C16orf95: variants seen among roughly 807,000 people sequenced by gnomAD.
The protein encoded by C16orf95 is chromosome 16 open reading frame 95, also known as uncharacterized protein C16orf95.
C16orf95 carries 41 observed loss-of-function variants against 32.1 expected under a neutral mutation model. That is an observed-to-expected ratio of 1.28 (90% CI 1.00 to 1.66). The LOEUF is 1.66. C16orf95 is among the 40% of genes most tolerant of loss of function. The pLI, the probability that C16orf95 is intolerant of heterozygous loss-of-function variation, is 0.00. For synonymous variants in C16orf95, 147 were observed against 128.9 expected (o/e 1.14, Z -0.95); for missense variants, 399 against 325.9 (o/e 1.22, Z -1.73).
intron 6 of C16orf95, among the ~76,000 whole-genome samples, chr16:87,303,896 T>G (rs1248654547): frequency 2.0e-5 from 3 of 152,152 alleles, no homozygotes; most frequent in African/African-American, 7.2e-5. Context: ...TCTTTCTCTT[T>G]TTCTTCCCCT....
intron 6 of C16orf95, chr16:87,303,799 A>C (rs1910874671): frequency 6.6e-6 from 1 of 152,434 alleles, no homozygotes; most frequent in African/African-American, 2.4e-5. Context: ...CTCCACCTGG[A>C]CTGCACTTCT....
At chr16:87,304,793 G>C (rs1157283421) in intron 6 of C16orf95, among the ~76,000 whole-genome samples, 1 of 152,270 alleles carries the variant, frequency 6.6e-6, no homozygotes, top group African/African-American at 2.4e-5. Flanking sequence ...CCGTGGCAGA[G>C]TGACCAAGAC....
chr16:87,305,613 AG>A lies in C16orf95; in HGVS notation c.701+105del. On this transcript the variant is annotated intron_variant, in intron 6 of 6. Transcript: ENST00000567970. The surrounding 1 kb of genome is among the most constrained non-coding windows in gnomAD (Gnocchi z 4.2). ...CGGGCCTTGGACGCCTGTCAAGTTA[AG>A]CCCCACCCCCCACTCTTCCACATCC... is the stretch of plus-strand genomic sequence containing the variant. 9.7e-7 allele frequency: 1 copy of A among 1,027,924 alleles called. No individual in the cohort carries two copies. Among genetic ancestry groups the A allele is most frequent in the South Asian group, 1.7e-5 (1 of 59,606 alleles). 63.7% of individuals were successfully genotyped at this position (1,027,924 alleles called of 1,614,324 possible).
intron 5 of C16orf95, among the ~76,000 whole-genome samples, chr16:87,307,446 T>C (rs868845133): frequency 5.5e-5 from 8 of 144,798 alleles, no homozygotes; most frequent in African/African-American, 2.0e-4. Context: ...TGCAAAAAGT[T>C]TGTAGAAAAT....
intron 6 of C16orf95, 140 bp from the exon 7 acceptor site, chr16:87,303,215 G>A: frequency 1.2e-6 from 1 of 821,942 alleles, no homozygotes; most frequent in Non-Finnish European, 2.0e-6. Flanking sequence ...ATCCCAGGCA[G>A]GGAAGGGGTG....
chr16:87,315,447 C>G (rs575754770), intron 2 of C16orf95, among the ~76,000 whole-genome samples: 8 of 152,358 alleles, frequency 5.3e-5, no homozygotes, highest in African/African-American at 1.9e-4. Context: ...ATCTGTCACA[C>G]TCTGGTGTGC....
At chr16:87,315,513 G>C (rs1371937735) in intron 2 of C16orf95, among the ~76,000 whole-genome samples, 1 of 152,244 alleles carries the variant, frequency 6.6e-6, no homozygotes, top group Non-Finnish European at 1.5e-5. Flanking sequence ...GCAGGAAGGA[G>C]AGGTGCTGCC....
intron 3 of C16orf95, among the ~76,000 whole-genome samples, chr16:87,312,970 T>G (rs1034551802): frequency 6.6e-6 from 1 of 152,204 alleles, no homozygotes; most frequent in East Asian, 1.9e-4. Flanking sequence ...ACAAAAGATG[T>G]GTAAAGCCTA....
In C16orf95 at chr16:87,306,324, T is replaced by C. The variant is rs115292558; in HGVS notation, c.515-419A>G. On this transcript the variant is annotated intron_variant, in intron 5 of 6. Transcript: ENST00000567970. The stretch of plus-strand genomic sequence containing the variant: ...TTCGGGGTATATTTGAAATTTTCCA[T>C]AACAAAAGTTTAAGGAAAGCCACAA... Among the ~76,000 whole-genome samples the C allele has an allele frequency of 6.0e-3, 908 of 152,256 alleles. 6 individuals carry two copies. The highest frequency in any genetic ancestry group is 0.021 in the African/African-American group (855 of 41,546).
intron 4 of C16orf95, among the ~76,000 whole-genome samples, chr16:87,310,646 T>C (rs901080664): frequency 6.6e-6 from 1 of 152,124 alleles, no homozygotes; most frequent in South Asian, 2.1e-4. Context: ...ACTAGCGCTG[T>C]GGAGGCGGCC....
chr16:87,309,824 T>C (rs531079140), intron 5 of C16orf95, among the ~76,000 whole-genome samples: 1 of 152,364 alleles, frequency 6.6e-6, no homozygotes, highest in South Asian at 2.1e-4. Context: ...TATATGAATG[T>C]ATGAGCATAC....
rs536998338 is a variant in C16orf95 at position 87,317,133 on chromosome 16, C to A, written c.110G>T (p.Gly37Val). Residue 37 changes from glycine (G) to valine (V), a missense_variant, in exon 1 of 7, where the codon GGG (glycine) becomes GTG (valine). Gly to Val is a moderately radical substitution (Grantham distance 109). Transcript: ENST00000567970. Reference sequence around the variant, plus strand: ...GGGTGTGAGTGCCAACCTGCAGAGCCCGACGCACCCCGCGCCCGGCCCCCC... The same window carrying A: ...GGGTGTGAGTGCCAACCTGCAGAGCACGACGCACCCCGCGCCCGGCCCCCC... ...AAGGPGAGCVGLCRLALTPSA... is the reference protein window; with the variant it reads ...AAGGPGAGCVVLCRLALTPSA... 6.5e-6 allele frequency: 10 copies of A among 1,534,106 alleles called. No individual in the cohort carries two copies. In the South Asian group the frequency reaches 1.2e-4, roughly 18 times the overall value.
intron 1 of C16orf95, among the ~76,000 whole-genome samples, chr16:87,316,502 A>T (rs996742571): frequency 1.3e-5 from 2 of 152,190 alleles, no homozygotes; most frequent in African/African-American, 4.8e-5. Context: ...CATAATAACC[A>T]TTATTATTAT....
intron 5 of C16orf95, chr16:87,306,174 C>T: frequency 3.2e-6 from 1 of 315,406 alleles, no homozygotes; most frequent in Non-Finnish European, 5.8e-6. Context: ...CAATGTCTAG[C>T]TGGGACTTGT....
chr16:87,305,486 G>GCCCCACGAGGCCCCCACCAC lies in C16orf95; in HGVS notation c.701+232_701+233insGTGGTGGGGGCCTCGTGGGG, dbSNP rs1555544930. 6.7e-5 allele frequency among the ~76,000 whole-genome samples: 9 copies of GCCCCACGAGGCCCCCACCAC among 135,298 alleles called. No individual in the cohort carries two copies. The highest frequency in any genetic ancestry group is 6.4e-4 in the Admixed American group (9 of 14,034). 88.8% of individuals were successfully genotyped at this position (135,298 alleles called of 152,430 possible). A position where few individuals can be genotyped will look rare whatever the true frequency, so the allele number is the denominator to read the frequency against. On this transcript the variant is annotated intron_variant, in intron 6 of 6. Transcript: ENST00000567970. The surrounding 1 kb of genome is among the most constrained non-coding windows in gnomAD (Gnocchi z 4.2). ...TTGGGAAGAGGGAAGGGGTGGAAGT[G>GCCCCACGAGGCCCCCACCAC]CCCCACGAGGCCCCCGCCGCCCCCA...
At chr16:87,315,209 G>A (rs1904309938) in intron 2 of C16orf95, 113 bp from the exon 3 acceptor site, 1 of 1,140,802 alleles carries the variant, frequency 8.8e-7, no homozygotes, top group African/African-American at 1.5e-5. Context: ...CGGGGGCAGG[G>A]TCCCCAGCTC....
rs947868359 is a variant in C16orf95 at position 87,311,521 on chromosome 16, C to T, written c.331-225G>A. Among the ~76,000 whole-genome samples the T allele has an allele frequency of 3.3e-5, 5 of 152,344 alleles. No individual in the cohort carries two copies. The South Asian group carries it at 1.0e-3, about 32-fold the overall frequency. Reference sequence around the variant, plus strand: ...CCACTGTTGGGAGACACGGGACCTCCGTGGCTCACCTGGCCTCCCTACCCA... The same window carrying T: ...CCACTGTTGGGAGACACGGGACCTCTGTGGCTCACCTGGCCTCCCTACCCA... On this transcript the variant is annotated intron_variant, in intron 3 of 6. Coordinates refer to ENST00000567970, the MANE Select transcript of C16orf95 (RefSeq NM_001195124.3).
chr16:87,309,685 A>G (rs1043997786), intron 5 of C16orf95, among the ~76,000 whole-genome samples: 1 of 152,136 alleles, frequency 6.6e-6, no homozygotes, highest in Non-Finnish European at 1.5e-5. Context: ...CACCCAGCAT[A>G]TTATATGCAT....
chr16:87,302,907 T>C lies in C16orf95; in HGVS notation c.*150A>G, dbSNP rs978424347. Reference sequence around the variant, plus strand: ...TTTGCTACAACCAAGAATCACCTGATGAGAAATCATTTGGGTTGAATCCTG... The same window carrying C: ...TTTGCTACAACCAAGAATCACCTGACGAGAAATCATTTGGGTTGAATCCTG... On this transcript the variant is annotated 3_prime_UTR_variant, in exon 7 of 7. Transcript: ENST00000567970. 2.9e-5 allele frequency: 23 copies of C among 790,022 alleles called. No homozygotes were observed. Among genetic ancestry groups the C allele is most frequent in the Non-Finnish European group, 4.6e-5 (22 of 477,090 alleles). 48.9% of individuals were successfully genotyped at this position (790,022 alleles called of 1,614,324 possible).
Sources: allele counts gnomAD v4.1 joint callset (sites outside exome capture counted in the v4.1 genomes callset), GRCh38; gene constraint gnomAD v4.1.1; non-coding constraint Gnocchi (gnomAD v3.1); transcripts MANE v1.5; gene names NCBI Gene and HGNC (gene_info 2026-07-23, HGNC 2026-07-21).